Variants in RBFOX2 observed in about 807,000 individuals in gnomAD.
RBFOX2 encodes the protein RNA binding fox-1 homolog 2.
A neutral mutation model predicts 49.1 loss-of-function variants in RBFOX2; 10 were observed. The ratio of observed to expected loss-of-function variants is 0.20; its 90% CI spans 0.13 to 0.35. RBFOX2 has a LOEUF of 0.35. Among genes scored for constraint, RBFOX2 ranks in the 10% least tolerant of loss-of-function variants. The pLI is 1.00. For missense variants in RBFOX2, 323 were observed against 486.9 expected, an observed-to-expected ratio of 0.66 and a Z score of 3.17; for synonymous variants, 183 against 187.4, an observed-to-expected ratio of 0.98 and a Z score of 0.19.
intron 1 of RBFOX2, among the ~76,000 whole-genome samples, chr22:35,890,331 T>C (rs1348411149): frequency 1.3e-5 from 2 of 152,120 alleles, no homozygotes; most frequent in African/African-American, 4.8e-5. Flanking sequence ...CCCAAGTAGA[T>C]GCCTGAAACT....
intron 1 of RBFOX2, among the ~76,000 whole-genome samples, chr22:36,003,103 A>G (rs1435821814): frequency 6.6e-6 from 1 of 152,210 alleles, no homozygotes; most frequent in African/African-American, 2.4e-5. Flanking sequence ...TGACCAGCTT[A>G]TCAACTGGGC....
chr22:35,939,167 G>A, upstream of RBFOX2: 1 of 626,372 alleles, frequency 1.6e-6, no homozygotes, highest in East Asian at 3.3e-5. Context: ...TATATCTTAG[G>A]CAGGGTGCTA....
rs367785240 is a variant in RBFOX2 at position 35,851,759 on chromosome 22, C to T, written c.-33-41755G>A. ...AGGAGAATTGCTTGAACCCAGGAGG[C>T]GAAGGCTCACCACCGCAGCCGAGAT... is the stretch of plus-strand genomic sequence containing the variant. On this transcript the variant is annotated intron_variant, in intron 1 of 13. Transcript: ENST00000359369. Among the ~76,000 whole-genome samples, 475 of 150,726 alleles carry T rather than the reference C, an allele frequency of 3.2e-3. 2 individuals are homozygous for T. The highest frequency in any genetic ancestry group is 5.2e-3 in the Non-Finnish European group (355 of 67,736).
intron 1 of RBFOX2, among the ~76,000 whole-genome samples, chr22:35,930,647 C>G (rs1320037501): frequency 1.3e-5 from 2 of 151,546 alleles, no homozygotes; most frequent in Admixed American, 1.3e-4. Context: ...CTGGCCAACA[C>G]AGAGGAACCC....
intron 9 of RBFOX2, among the ~76,000 whole-genome samples, chr22:35,754,911 A>C (rs979487981): frequency 3.3e-5 from 5 of 152,194 alleles, no homozygotes; most frequent in Admixed American, 2.0e-4. Context: ...AGTAGTTATT[A>C]AATTAAGGCA....
chr22:36,022,788 ACTCT>A (rs2059293717), intron 1 of RBFOX2, among the ~76,000 whole-genome samples: 1 of 151,852 alleles, frequency 6.6e-6, no homozygotes, highest in South Asian at 2.1e-4. Flanking sequence ...GAGACCACTG[ACTCT>A]CTCTCCCCCA....
chr22:35,902,490 C>G (rs950920382), intron 1 of RBFOX2, among the ~76,000 whole-genome samples: 1 of 152,112 alleles, frequency 6.6e-6, no homozygotes, highest in Non-Finnish European at 1.5e-5. Context: ...TATTCATGAT[C>G]ACAAACCTCA....
chr22:35,800,247 C>T (rs1361381005), intron 2 of RBFOX2, among the ~76,000 whole-genome samples: 1 of 152,180 alleles, frequency 6.6e-6, no homozygotes, highest in Non-Finnish European at 1.5e-5. Context: ...TCCCCCTCTA[C>T]ATAACCACTT....
At chr22:35,760,105 T>A in intron 8 of RBFOX2, 85 bp from the exon 10 acceptor site, 1 of 1,542,388 alleles carries the variant, frequency 6.5e-7, no homozygotes, top group South Asian at 1.1e-5. Flanking sequence ...GAACCAATTA[T>A]AGAAAAGATG....
chr22:35,808,956 G>A (rs937972094), intron 2 of RBFOX2, among the ~76,000 whole-genome samples: 1 of 151,984 alleles, frequency 6.6e-6, no homozygotes, highest in Non-Finnish European at 1.5e-5. Context: ...AAAGAGGTAA[G>A]CTGGGGCTAG....
chr22:35,745,890 G>A, intron 11 of RBFOX2, 33 bp downstream of exon 13: 1 of 1,574,316 alleles, frequency 6.4e-7, no homozygotes, highest in Non-Finnish European at 8.7e-7. Flanking sequence ...GAATGAAATG[G>A]TTTTATAAAG....
chr22:35,931,870 G>A (rs2052458322), intron 1 of RBFOX2, among the ~76,000 whole-genome samples: 1 of 152,150 alleles, frequency 6.6e-6, no homozygotes, highest in South Asian at 2.1e-4. Flanking sequence ...TCCATTAGTG[G>A]GTCCAGGAAA....
chr22:35,903,925 C>T (rs1390608488), intron 1 of RBFOX2, among the ~76,000 whole-genome samples: 3 of 148,124 alleles, frequency 2.0e-5, no homozygotes, highest in African/African-American at 7.9e-5. Flanking sequence ...TCTCCTACTT[C>T]CACGGCATCA....
chr22:36,028,359 T>C, exon 1 of RBFOX2: 8 of 1,411,758 alleles, frequency 5.7e-6, no homozygotes, highest in Non-Finnish European at 7.4e-6. Flanking sequence ...GACTCCCGCT[T>C]CATGCCCCGG....
At chr22:35,756,166 A>G in intron 9 of RBFOX2, 22 bp from the exon 11 acceptor site, 1 of 1,490,188 alleles carries the variant, frequency 6.7e-7, no homozygotes, top group Non-Finnish European at 9.0e-7. Context: ...CCACACAAAA[A>G]CAAAAACAAA....
At chr22:35,874,080 A>G (rs1183428728) in intron 1 of RBFOX2, among the ~76,000 whole-genome samples, 1 of 152,190 alleles carries the variant, frequency 6.6e-6, no homozygotes, top group African/African-American at 2.4e-5. Context: ...CATCTCATCA[A>G]TTCATACTTA....
chr22:35,761,540 T>G, intron 6 of RBFOX2, 72 bp from the exon 8 acceptor site: 1 of 1,542,046 alleles, frequency 6.5e-7, no homozygotes, highest in Non-Finnish European at 9.0e-7. Context: ...CATGTCAAGT[T>G]GGCTTCAGCC....
chr22:36,015,240 C>T (rs988037138), intron 1 of RBFOX2, among the ~76,000 whole-genome samples: 2 of 152,156 alleles, frequency 1.3e-5, no homozygotes, highest in Non-Finnish European at 2.9e-5. Context: ...AAATATAACA[C>T]AAAACATAGT....
At chr22:35,967,670 T>C (rs1188323013) in intron 1 of RBFOX2, among the ~76,000 whole-genome samples, 1 of 152,136 alleles carries the variant, frequency 6.6e-6, no homozygotes, top group Non-Finnish European at 1.5e-5. Flanking sequence ...AACTGAGAAT[T>C]TTGACATTGG....
Sources: gnomAD v4.1 joint callset for allele counts (sites outside exome capture counted in the v4.1 genomes callset) on GRCh38, gnomAD v4.1.1 for gene constraint, MANE v1.5 for transcripts, NCBI Gene and HGNC (gene_info 2026-07-23, HGNC 2026-07-21) for gene names.